DEPDC1B: variants seen among roughly 807,000 people sequenced by gnomAD.
DEPDC1B encodes DEP domain containing 1B.
Under a neutral mutation model 66.5 loss-of-function variants are expected in DEPDC1B, and 51 were observed. The observed-to-expected ratio is 0.77, with a 90% CI of 0.61 to 0.97. The LOEUF is 0.97. Ranked by LOEUF, DEPDC1B falls within the 50% of genes least tolerant of loss-of-function variation. The pLI is 0.00. For missense variants in DEPDC1B, 552 were observed against 637.1 expected, an observed-to-expected ratio of 0.87 and a Z score of 1.44; for synonymous variants, 226 against 223.6, an observed-to-expected ratio of 1.01 and a Z score of -0.10.
chr5:60,686,896 C>T, intron 2 of DEPDC1B, 66 bp downstream of exon 2: 1 of 1,579,852 alleles, frequency 6.3e-7, no homozygotes, highest in Non-Finnish European at 8.6e-7. Context: ...GAAGCTTCAA[C>T]AGACTTGGAC....
At chr5:60,609,869 A>G (rs908874831) in intron 7 of DEPDC1B, among the ~76,000 whole-genome samples, 21 of 152,300 alleles carry the variant, frequency 1.4e-4, no homozygotes, top group Non-Finnish European at 2.1e-4. Context: ...AAATTAATTC[A>G]TATCTCCCTC....
intron 2 of DEPDC1B, among the ~76,000 whole-genome samples, chr5:60,659,604 T>C (rs758547204): frequency 3.9e-5 from 6 of 152,192 alleles, no homozygotes; most frequent in African/African-American, 7.2e-5. Context: ...CATTAGCCAG[T>C]TGAGATCACG....
At chr5:60,699,462 A>AAAAAAAAAAAAAAAC (rs397702129) in intron 1 of DEPDC1B, among the ~76,000 whole-genome samples, 1 of 79,752 alleles carries the variant, frequency 1.3e-5, no homozygotes, top group African/African-American at 4.3e-5. Context: ...AAAAAAAAAA[A>AAAAAAAAAAAAAAAC]CAGGAACTCA....
intron 2 of DEPDC1B, among the ~76,000 whole-genome samples, chr5:60,653,587 G>A (rs759860709): frequency 6.6e-6 from 1 of 150,660 alleles, no homozygotes; most frequent in Non-Finnish European, 1.5e-5. Context: ...CTTTTGCTAT[G>A]CAGAAGCTTT....
intron 7 of DEPDC1B, among the ~76,000 whole-genome samples, chr5:60,637,772 A>G (rs958894771): frequency 2.0e-5 from 3 of 152,184 alleles, no homozygotes; most frequent in African/African-American, 7.2e-5. Context: ...ACTGACTCTT[A>G]TTTACATGAT....
intron 7 of DEPDC1B, among the ~76,000 whole-genome samples, chr5:60,614,383 TAA>T (rs1288737692): frequency 6.6e-6 from 1 of 152,234 alleles, no homozygotes. Flanking sequence ...TTGTTTTGTT[TAA>T]GAGACAGGGT....
At position 60,643,061 on chromosome 5, in the gene DEPDC1B, A is replaced by C. The variant is rs544537259; in HGVS notation, c.710-202T>G. 3.6e-3 allele frequency among the ~76,000 whole-genome samples: 547 copies of C among 152,334 alleles called. 1 individual carries two copies. Among genetic ancestry groups the C allele is most frequent in the Non-Finnish European group, 6.7e-3 (458 of 68,034 alleles). Reference sequence around the variant, plus strand: ...TGTTATAACATGCACTTACATAAATAATGCCTACAGATTTCTCTAAGGACA... The same window carrying C: ...TGTTATAACATGCACTTACATAAATCATGCCTACAGATTTCTCTAAGGACA... On this transcript the variant is annotated intron_variant, in intron 5 of 10. Transcript: ENST00000265036.
intron 2 of DEPDC1B, among the ~76,000 whole-genome samples, chr5:60,648,524 C>T (rs1753372774): frequency 6.6e-6 from 1 of 152,142 alleles, no homozygotes; most frequent in Non-Finnish European, 1.5e-5. Flanking sequence ...TCTTTTCTTG[C>T]AGGAATATGT....
chr5:60,603,419 T>G lies in DEPDC1B; in HGVS notation c.1214A>C (p.Glu405Ala), dbSNP rs1348665207. The change falls in exon 9 of 11, where the codon GAG becomes GCG. Residue 405 changes from glutamate to alanine, a missense_variant. Coordinates refer to ENST00000265036, the MANE Select transcript of DEPDC1B (RefSeq NM_018369.3). ...VPLALQTSIE[E>A]RVAHLRRVQI... Reference sequence around the variant, plus strand: ...GACTCTTCGTAGATGAGCCACACGCTCCTCTATAGAGGTCTGCAAGGCCAA... The same window carrying G: ...GACTCTTCGTAGATGAGCCACACGCGCCTCTATAGAGGTCTGCAAGGCCAA... 1 of 1,594,444 alleles carries G rather than the reference T, an allele frequency of 6.3e-7. No individual in the cohort carries two copies.
At chr5:60,685,525 T>C (rs1460450090) in intron 2 of DEPDC1B, among the ~76,000 whole-genome samples, 5 of 152,162 alleles carry the variant, frequency 3.3e-5, no homozygotes, top group Admixed American at 2.0e-4. Context: ...GGGGGATACA[T>C]GGTTAAGTCT....
At chr5:60,662,752 A>C (rs192359027) in intron 2 of DEPDC1B, among the ~76,000 whole-genome samples, 13 of 152,254 alleles carry the variant, frequency 8.5e-5, no homozygotes, top group African/African-American at 2.6e-4. Flanking sequence ...TCTGAGTCAG[A>C]AGCCACTAAC....
At position 60,667,887 on chromosome 5, in the gene DEPDC1B, G is replaced by GTAAAAAATGGATATTTTACATATATA. The variant is rs1561384298; in HGVS notation, c.314+19074_314+19075insTATATATGTAAAATATCCATTTTTTA. On this transcript the variant is annotated intron_variant, in intron 2 of 10. Coordinates refer to ENST00000265036, the MANE Select transcript of DEPDC1B (RefSeq NM_018369.3). The stretch of plus-strand genomic sequence containing the variant: ...TAAAAAATGGATATTTTACATATAT[G>GTAAAAAATGGATATTTTACATATATA]TAAAAAATGGATATTTTATATATAT... 4.2e-3 allele frequency among the ~76,000 whole-genome samples: 181 copies of GTAAAAAATGGATATTTTACATATATA among 42,992 alleles called. 53 individuals are homozygous for GTAAAAAATGGATATTTTACATATATA. The highest frequency in any genetic ancestry group is 5.6e-3 in the Non-Finnish European group (112 of 20,096). 28.2% of individuals were successfully genotyped at this position (42,992 alleles called of 152,430 possible).
chr5:60,597,001 T>C lies in DEPDC1B; in HGVS notation c.*752A>G, dbSNP rs1386956195. 1 of 152,644 alleles carries C rather than the reference T, an allele frequency of 6.6e-6. No individual in the cohort carries two copies. Among genetic ancestry groups the C allele is most frequent in the Admixed American group, 6.5e-5 (1 of 15,280 alleles). 9.5% of individuals were successfully genotyped at this position (152,644 alleles called of 1,614,324 possible). ...TTATAAAGGAAGTAGTCTCATTTTATTTAACCCATTTGCATTTGACTTAGA... is the reference window on the plus strand; with the variant it reads ...TTATAAAGGAAGTAGTCTCATTTTACTTAACCCATTTGCATTTGACTTAGA... On this transcript the variant is annotated 3_prime_UTR_variant, in exon 11 of 11. Transcript: ENST00000265036.
At chr5:60,698,038 T>C (rs74651464) in intron 1 of DEPDC1B, among the ~76,000 whole-genome samples, 4 of 152,194 alleles carry the variant, frequency 2.6e-5, no homozygotes, top group African/African-American at 7.2e-5. Context: ...ATTTTTTTTT[T>C]AGTCTAATGC....
At chr5:60,656,320 C>G (rs2111922616) in intron 2 of DEPDC1B, among the ~76,000 whole-genome samples, 2 of 152,152 alleles carry the variant, frequency 1.3e-5, no homozygotes, top group Admixed American at 1.3e-4. Context: ...ACCACTGCAC[C>G]CAGCTAATTT....
At chr5:60,656,841 T>C (rs1159311428) in intron 2 of DEPDC1B, among the ~76,000 whole-genome samples, 1 of 152,126 alleles carries the variant, frequency 6.6e-6, no homozygotes, top group Non-Finnish European at 1.5e-5. Context: ...ATGGGGATTG[T>C]AGGGATTTCA....
At chr5:60,665,347 C>T (rs1753813729) in intron 2 of DEPDC1B, among the ~76,000 whole-genome samples, 1 of 152,174 alleles carries the variant, frequency 6.6e-6, no homozygotes, top group African/African-American at 2.4e-5. Flanking sequence ...AGCAGATAGT[C>T]AGGGCCTGTA....
Position 60,606,609 on chromosome 5 carries a change from CAAAAAAAAAAAA to C in DEPDC1B, c.899-765_899-754del, listed in dbSNP as rs60544270. On this transcript the variant is annotated intron_variant, in intron 7 of 10. Transcript: ENST00000265036. The stretch of plus-strand genomic sequence containing the variant: ...GCAACATAGTGAGAACCCATTTCTA[CAAAAAAAAAAAA>C]AAAAAAAAAAAAAAAAAATTTAATT... Among the ~76,000 whole-genome samples, 421 of 46,634 alleles carry C rather than the reference CAAAAAAAAAAAA, an allele frequency of 9.0e-3. 3 individuals are homozygous for C. Among genetic ancestry groups the C allele is most frequent in the African/African-American group, 0.023 (364 of 15,510 alleles). 30.6% of individuals were successfully genotyped at this position (46,634 alleles called of 152,430 possible).
intron 2 of DEPDC1B, among the ~76,000 whole-genome samples, chr5:60,677,014 G>A (rs931202627): frequency 2.5e-4 from 38 of 152,304 alleles, no homozygotes; most frequent in African/African-American, 7.9e-4. Context: ...GAACTGAGTG[G>A]CTGGGGGAGG....
Sources: gnomAD v4.1 joint callset for allele counts (sites outside exome capture counted in the v4.1 genomes callset) on GRCh38, gnomAD v4.1.1 for gene constraint, MANE v1.5 for transcripts, NCBI Gene and HGNC (gene_info 2026-07-23, HGNC 2026-07-21) for gene names.